The following NT5M variants were observed in gnomAD, a reference collection of about 807,000 sequenced individuals.
The protein encoded by NT5M is 5'(3')-deoxyribonucleotidase, mitochondrial.
A neutral mutation model predicts 22.2 loss-of-function variants in NT5M; 22 were observed. That is an observed-to-expected ratio of 0.99 (90% CI 0.71 to 1.41). NT5M has a LOEUF of 1.41. Among genes scored for constraint, NT5M ranks in the 40% most tolerant of loss-of-function variants. The pLI is 0.00. For missense variants in NT5M, 322 were observed against 314.8 expected, an observed-to-expected ratio of 1.02 and a Z score of -0.17; for synonymous variants, 167 against 133.0, an observed-to-expected ratio of 1.26 and a Z score of -1.76.
At chr17:17,330,742 CT>C (rs58633073) in intron 3 of NT5M, among the ~76,000 whole-genome samples, 19,350 of 118,334 alleles carry the variant, frequency 0.16, 789 homozygotes, top group South Asian at 0.24. Context: ...TTCTTTCTTT[CT>C]TTTTTTTTTT....
At position 17,335,096 on chromosome 17, in the gene NT5M, GT is replaced by G. The variant is rs942207577; in HGVS notation, c.430-9687del. 1.2e-3 allele frequency among the ~76,000 whole-genome samples: 167 copies of G among 141,676 alleles called. No homozygotes were observed. In the Middle Eastern group the frequency reaches 0.018, roughly 15 times the overall value. The allele number at this position is 141,676 out of a possible 152,430, so 92.9% of individuals were successfully genotyped here. A position where few individuals can be genotyped will look rare whatever the true frequency, so the allele number is the denominator to read the frequency against. On this transcript the variant is annotated intron_variant, in intron 3 of 4. Transcript: ENST00000389022. ...TGTGTTAAATTTGTCTCTATTTCATGTTTTTTTTTTTGGCATAGAGACTATC... is the reference window on the plus strand; with the variant it reads ...TGTGTTAAATTTGTCTCTATTTCATGTTTTTTTTTTGGCATAGAGACTATC...
chr17:17,345,097 C>T, intron 4 of NT5M, 189 bp downstream of exon 4: 2 of 630,552 alleles, frequency 3.2e-6, no homozygotes, highest in Non-Finnish European at 4.0e-6. Flanking sequence ...CTCCTGGGAG[C>T]TGGGAGGAGT....
At chr17:17,304,543 C>A in intron 1 of NT5M, 1 of 634,796 alleles carries the variant, frequency 1.6e-6, no homozygotes, top group Non-Finnish European at 2.0e-6. Context: ...ATTAAAGAGG[C>A]TGAGTGTTTT....
chr17:17,330,073 G>C (rs1256060348), intron 3 of NT5M, among the ~76,000 whole-genome samples: 1 of 152,122 alleles, frequency 6.6e-6, no homozygotes, highest in African/African-American at 2.4e-5. Context: ...GGCCGAGGTG[G>C]GCAGATCATG....
intron 3 of NT5M, among the ~76,000 whole-genome samples, chr17:17,328,251 T>C (rs1352264504): frequency 6.6e-6 from 1 of 152,128 alleles, no homozygotes; most frequent in Non-Finnish European, 1.5e-5. Context: ...AGGGTGAATT[T>C]TGTTGGCCAG....
In NT5M at chr17:17,317,092, C is replaced by T. The variant is rs555862142; in HGVS notation, c.369-6093C>T. On this transcript the variant is annotated intron_variant, in intron 2 of 4. Coordinates refer to ENST00000389022, the MANE Select transcript of NT5M (RefSeq NM_020201.4). ...TGAGACAGAGTCTCGCTCTGTCGCC[C>T]AGGCTGGAGTGCTGTGGCATGATCT... Among the ~76,000 whole-genome samples the T allele has an allele frequency of 9.9e-5, 15 of 151,174 alleles. No homozygotes were observed. In the East Asian group the frequency reaches 1.8e-3, roughly 18 times the overall value.
chr17:17,333,290 T>C (rs909704507), intron 3 of NT5M, among the ~76,000 whole-genome samples: 2 of 152,200 alleles, frequency 1.3e-5, no homozygotes, highest in African/African-American at 4.8e-5. Context: ...GTGATTTGTA[T>C]TTTAATTTTC....
rs948537240 is a variant in NT5M, at chr17:17,346,986, C to G, written c.*39C>G. 1.2e-6 allele frequency: 2 copies of G among 1,602,240 alleles called. No homozygotes were observed. Among genetic ancestry groups the G allele is most frequent in the Non-Finnish European group, 1.7e-6 (2 of 1,176,156 alleles). Reference sequence around the variant, plus strand: ...TCGGGCTCCTCTGTGGGGCTCTGACCTCAGGGCTCCCAGCTCGGGGCCTGT... The same window carrying G: ...TCGGGCTCCTCTGTGGGGCTCTGACGTCAGGGCTCCCAGCTCGGGGCCTGT... On this transcript the variant is annotated 3_prime_UTR_variant, in exon 5 of 5. Coordinates refer to ENST00000389022, the MANE Select transcript of NT5M (RefSeq NM_020201.4).
chr17:17,345,544 C>T (rs1477323234), intron 4 of NT5M, among the ~76,000 whole-genome samples: 4 of 151,714 alleles, frequency 2.6e-5, no homozygotes, highest in Admixed American at 2.6e-4. Flanking sequence ...GCCTGTAGTC[C>T]CAGCTACTTC....
chr17:17,316,596 G>A lies in NT5M; in HGVS notation c.369-6589G>A, dbSNP rs979379542. 6.0e-5 allele frequency among the ~76,000 whole-genome samples: 9 copies of A among 150,292 alleles called. No individual in the cohort carries two copies. In the East Asian group the frequency reaches 1.8e-3, roughly 30 times the overall value. On this transcript the variant is annotated intron_variant, in intron 2 of 4. Transcript: ENST00000389022. ...TCACCATGTTGGCCAGGCTGGTCTG[G>A]AACTCCTAACCTTGGGTGATCAGCT...
intron 2 of NT5M, among the ~76,000 whole-genome samples, chr17:17,309,436 A>G (rs2048878059): frequency 6.6e-6 from 1 of 152,130 alleles, no homozygotes; most frequent in East Asian, 1.9e-4. Context: ...ATACCTAGGA[A>G]TGGAATTGTT....
chr17:17,331,780 T>G (rs2049391982), intron 3 of NT5M, among the ~76,000 whole-genome samples: 2 of 151,376 alleles, frequency 1.3e-5, no homozygotes, highest in Non-Finnish European at 2.9e-5. Context: ...CTTTTTCTTT[T>G]TCTTTTCTTT....
At chr17:17,331,882 A>G (rs369345281) in intron 3 of NT5M, among the ~76,000 whole-genome samples, 1 of 150,704 alleles carries the variant, frequency 6.6e-6, no homozygotes, top group Non-Finnish European at 1.5e-5. Context: ...CTGGGTTCAC[A>G]CCATTCTCCT....
rs1349471885 is a variant in NT5M, at chr17:17,304,539, G to A, written c.267+722G>A. 1.2e-5 allele frequency: 8 copies of A among 641,682 alleles called. No individual in the cohort carries two copies. In the African/African-American group the frequency reaches 1.6e-4, roughly 13 times the overall value. 39.7% of individuals were successfully genotyped at this position (641,682 alleles called of 1,614,324 possible). On this transcript the variant is annotated intron_variant, in intron 1 of 4. Coordinates refer to ENST00000389022, the MANE Select transcript of NT5M (RefSeq NM_020201.4). ...GGATTTTGGTATGCACAAAATTAAAGAGGCTGAGTGTTTTTTGGCATCCCT... is the reference window on the plus strand; with the variant it reads ...GGATTTTGGTATGCACAAAATTAAAAAGGCTGAGTGTTTTTTGGCATCCCT...
intron 2 of NT5M, among the ~76,000 whole-genome samples, chr17:17,317,834 G>A (rs1201427874): frequency 6.6e-6 from 1 of 151,942 alleles, no homozygotes; most frequent in Non-Finnish European, 1.5e-5. Flanking sequence ...ATGGTGGCAG[G>A]CACCTGTAAT....
intron 2 of NT5M, among the ~76,000 whole-genome samples, chr17:17,318,000 CTGTA>C (rs71152868): frequency 0.61 from 89,564 of 146,470 alleles, 28,821 homozygotes; most frequent in East Asian, 0.78. Context: ...CATAGACTCA[CTGTA>C]TGAGCCAGCA....
chr17:17,330,882 A>G (rs2049370397), intron 3 of NT5M, among the ~76,000 whole-genome samples: 1 of 151,520 alleles, frequency 6.6e-6, no homozygotes. Context: ...AGCTGGGACT[A>G]CAGGCACATG....
In NT5M at chr17:17,303,392, C is replaced by T; in HGVS notation, c.-159C>T. The T allele has an allele frequency of 3.4e-6, 3 of 886,948 alleles. No individual in the cohort carries two copies. Among genetic ancestry groups the T allele is most frequent in the Non-Finnish European group, 4.1e-6 (3 of 737,914 alleles). 54.9% of individuals were successfully genotyped at this position (886,948 alleles called of 1,614,324 possible). ...GGCCTCGCTCTGGGGCCGGTACTTG[C>T]GCGCCCGCACCCCGCGCTCCCCGCC... On this transcript the variant is annotated 5_prime_UTR_variant, in exon 1 of 5. Transcript: ENST00000389022.
At position 17,346,801 on chromosome 17, in the gene NT5M, A is replaced by G. The variant is rs370088006; in HGVS notation, c.545-4A>G. The stretch of plus-strand genomic sequence containing the variant: ...TGAGCTGAATGCCGCTTTCCCACCC[A>G]CAGGGGCCGAGCCAACCCCCAGCTG... On this transcript the variant is annotated splice_region_variant and splice_polypyrimidine_tract_variant and intron_variant, in intron 4 of 4. Transcript: ENST00000389022. 1 of 1,606,306 alleles carries G rather than the reference A, an allele frequency of 6.2e-7. No homozygotes were observed. The highest frequency in any genetic ancestry group is 8.5e-7 in the Non-Finnish European group (1 of 1,179,860).
Sources: gnomAD v4.1 joint callset for allele counts (sites outside exome capture counted in the v4.1 genomes callset) on GRCh38, gnomAD v4.1.1 for gene constraint, MANE v1.5 for transcripts, NCBI Gene and HGNC (gene_info 2026-07-23, HGNC 2026-07-21) for gene names.